Variants in NPC2 observed in about 807,000 individuals in gnomAD.
NPC2 encodes the protein Niemann-Pick disease type C2 protein.
Under a neutral mutation model 17.0 loss-of-function variants are expected in NPC2, and 14 were observed. That is an observed-to-expected ratio of 0.82 (90% CI 0.54 to 1.29). NPC2 has a LOEUF of 1.29. Ranked by LOEUF, NPC2 falls within the 50% of genes most tolerant of loss-of-function variation. The pLI, the probability that NPC2 is intolerant of heterozygous loss-of-function variation, is 0.00. For synonymous variants in NPC2, 75 were observed against 69.3 expected (o/e 1.08, Z -0.41); for missense variants, 167 against 183.4 (o/e 0.91, Z 0.52).
At chr14:74,493,379 G>C (rs2086800316), upstream of NPC2, 3 of 1,549,956 alleles carry the variant, frequency 1.9e-6, no homozygotes, top group Non-Finnish European at 2.6e-6. The surrounding 1 kb of genome is among the most constrained non-coding windows in gnomAD (Gnocchi z 4.1). Context: ...CAGGCGACCT[G>C]TCACCAGTAA....
In NPC2 at chr14:74,493,270, C is replaced by T. The variant is rs1471655370; in HGVS notation, c.5G>A (p.Arg2His). The change falls in exon 1 of 5, where the codon CGT (arginine) becomes CAT (histidine). Residue 2 changes from arginine to histidine, a missense_variant. Physicochemically the swap from Arg to His is conservative, Grantham distance 29. Transcript: ENST00000555619. The surrounding 1 kb of genome is among the most constrained non-coding windows in gnomAD (Gnocchi z 4.1). M[R>H]FLAATFLLLA... ...GAGCAGGAATGTAGCTGCCAGGAAACGCATCGCGGATAACGAAGTTCCAAG... is the reference window on the plus strand; with the variant it reads ...GAGCAGGAATGTAGCTGCCAGGAAATGCATCGCGGATAACGAAGTTCCAAG... 5 of 1,613,074 alleles carry T rather than the reference C, an allele frequency of 3.1e-6. No individual in the cohort carries two copies. In the African/African-American group the frequency reaches 4.0e-5, roughly 13 times the overall value.
Position 74,493,088 on chromosome 14 carries a change from G to A in NPC2, c.82+105C>T. 3.5e-6 allele frequency: 5 copies of A among 1,435,748 alleles called. No homozygotes were observed. Among genetic ancestry groups the A allele is most frequent in the Non-Finnish European group, 4.7e-6 (5 of 1,055,670 alleles). 88.9% of individuals were successfully genotyped at this position (1,435,748 alleles called of 1,614,324 possible). On this transcript the variant is annotated intron_variant, in intron 1 of 4. Transcript: ENST00000555619. The surrounding 1 kb of genome is among the most constrained non-coding windows in gnomAD (Gnocchi z 4.1). ...TAGGTAGGGTCCAAGGCTCAGCCTGGCCGCCCGAGGGATCCGCCCAGCCCA... is the reference window on the plus strand; with the variant it reads ...TAGGTAGGGTCCAAGGCTCAGCCTGACCGCCCGAGGGATCCGCCCAGCCCA...
chr14:74,482,849 GT>G, intron 3 of NPC2: 1 of 381,678 alleles, frequency 2.6e-6, no homozygotes, highest in Non-Finnish European at 4.9e-6. Context: ...GGCATCAGCC[GT>G]TGCTGTGCAG....
At chr14:74,490,399 T>A (rs919793642) in intron 1 of NPC2, among the ~76,000 whole-genome samples, 26 of 152,184 alleles carry the variant, frequency 1.7e-4, no homozygotes, top group African/African-American at 6.3e-4. Flanking sequence ...CACACACTCT[T>A]AAGCATCCAA....
Position 74,484,562 on chromosome 14 carries a change from G to T in NPC2, c.216C>A (p.Ala72=), listed in dbSNP as rs773861377. 1.2e-6 allele frequency: 2 copies of T among 1,613,864 alleles called. No homozygotes were observed. Among genetic ancestry groups the T allele is most frequent in the Non-Finnish European group, 1.7e-6 (2 of 1,179,992 alleles). The change falls in exon 3 of 5, where the codon GCC becomes GCA. Residue 72 remains alanine (A), a synonymous_variant. Coordinates refer to ENST00000555619, the MANE Select transcript of NPC2 (RefSeq NM_006432.5). ...CGCCCATCAGGATGCCATGCACCAC[G>T]GCCTTGCTGCTTTTAGACTGAATAT... ...TSNIQSKSSK[A]VVHGILMGVP... is the part of the protein sequence containing the mutation.
intron 1 of NPC2, among the ~76,000 whole-genome samples, chr14:74,487,266 T>A (rs1294080136): frequency 9.7e-5 from 14 of 144,758 alleles, no homozygotes; most frequent in Non-Finnish European, 1.5e-4. Context: ...TTTTTGTGGT[T>A]TTTTTTTGTT....
At chr14:74,488,154 G>A (rs1294051105) in intron 1 of NPC2, among the ~76,000 whole-genome samples, 1 of 152,118 alleles carries the variant, frequency 6.6e-6, no homozygotes, top group Non-Finnish European at 1.5e-5. Context: ...ATTCAGCATC[G>A]CCTCTTTGCC....
chr14:74,483,208 G>C (rs1418151169), intron 3 of NPC2: 1 of 862,888 alleles, frequency 1.2e-6, no homozygotes, highest in South Asian at 1.5e-5. Flanking sequence ...TTTTGCACTA[G>C]TATATTCAGT....
chr14:74,483,663 G>C (rs556767194), intron 3 of NPC2, among the ~76,000 whole-genome samples: 3 of 152,262 alleles, frequency 2.0e-5, no homozygotes. Flanking sequence ...ATATTGGTTT[G>C]TATAAGTTCC....
At chr14:74,492,102 T>C (rs1414571520) in intron 1 of NPC2, among the ~76,000 whole-genome samples, 1 of 152,130 alleles carries the variant, frequency 6.6e-6, no homozygotes, top group African/African-American at 2.4e-5. Context: ...TCGACTCTCC[T>C]ATGATTTTAT....
In NPC2 at chr14:74,493,299, G is replaced by C. The variant is rs770614463; in HGVS notation, c.-25C>G. ...TCGCGGATAACGAAGTTCCAAGCTC[G>C]GGAAAGAAGCAGCGGCCGCCCGCGG... On this transcript the variant is annotated 5_prime_UTR_variant, in exon 1 of 5. Transcript: ENST00000555619. This position sits in a 1 kb window ranked among gnomAD's most constrained non-coding sequence, Gnocchi z 4.1. 3 of 1,609,170 alleles carry C rather than the reference G, an allele frequency of 1.9e-6. No individual in the cohort carries two copies. Among genetic ancestry groups the C allele is most frequent in the Middle Eastern group, 1.7e-4 (1 of 6,056 alleles).
At chr14:74,493,510 A>T (rs990185557), upstream of NPC2, 14 of 894,308 alleles carry the variant, frequency 1.6e-5, no homozygotes, top group African/African-American at 2.2e-4. The surrounding 1 kb of genome is among the most constrained non-coding windows in gnomAD (Gnocchi z 4.1). Context: ...ACCCGCCCGG[A>T]CCCACCTCCG....
At chr14:74,488,489 G>A (rs558564263) in intron 1 of NPC2, among the ~76,000 whole-genome samples, 55 of 152,336 alleles carry the variant, frequency 3.6e-4, no homozygotes, top group African/African-American at 1.3e-3. Context: ...GCCAAGGCAG[G>A]TGGATCAAGA....
At chr14:74,492,243 C>A (rs956158232) in intron 1 of NPC2, among the ~76,000 whole-genome samples, 7 of 152,302 alleles carry the variant, frequency 4.6e-5, no homozygotes, top group Admixed American at 2.0e-4. Context: ...TCCCCCACAG[C>A]CGGCTCTGCG....
chr14:74,486,410 CT>C lies in NPC2; in HGVS notation c.108del (p.Val37Ter). 1.2e-6 allele frequency: 2 copies of C among 1,600,592 alleles called. No homozygotes were observed. Among genetic ancestry groups the C allele is most frequent in the Non-Finnish European group, 1.7e-6 (2 of 1,173,146 alleles). Reference protein sequence around the residue: ...DCGSVDGVIKEVNVSPCPTQP... With the variant: ...DCGSVDGVIKXVNVSPCPTQP... ...TGGGTGGGGCATGGGCTCACATTCA[CT>C]TCCTTTATAACTCCATCCACAGAAC... On this transcript the variant is annotated frameshift_variant, in exon 2 of 5. Transcript: ENST00000555619. LOFTEE classifies it high-confidence loss of function.
In NPC2 at chr14:74,480,201, G is replaced by A. The variant is rs1481621042; in HGVS notation, c.*73C>T. On this transcript the variant is annotated 3_prime_UTR_variant, in exon 5 of 5. Coordinates refer to ENST00000555619, the MANE Select transcript of NPC2 (RefSeq NM_006432.5). ...TGGAGAGCAAGTCACTGTTGTTGAAGCAGCAGAGCTGGAGGTGCTGTCAAG... is the reference window on the plus strand; with the variant it reads ...TGGAGAGCAAGTCACTGTTGTTGAAACAGCAGAGCTGGAGGTGCTGTCAAG... 2 of 1,613,904 alleles carry A rather than the reference G, an allele frequency of 1.2e-6. No individual in the cohort carries two copies. The highest frequency in any genetic ancestry group is 2.7e-5 in the African/African-American group (2 of 75,038).
intron 4 of NPC2, 176 bp from the exon 5 acceptor site, chr14:74,480,464 T>A: frequency 1.3e-6 from 1 of 764,904 alleles, no homozygotes. Context: ...TAAATCAATC[T>A]CTACAGTCTC....
rs771374515 is a variant in NPC2 at position 74,484,549 on chromosome 14, T to C, written c.229A>G (p.Ile77Val). The part of the protein sequence containing the change: ...SKSSKAVVHG[I>V]LMGVPVPFPI... ...AAGGGAACTGGGACGCCCATCAGGA[T>C]GCCATGCACCACGGCCTTGCTGCTT... Residue 77 changes from isoleucine to valine, a missense_variant, in exon 3 of 5, where the codon ATC becomes GTC. Physicochemically the swap from Ile to Val is conservative, Grantham distance 29. Transcript: ENST00000555619. 1 of 1,614,122 alleles carries C rather than the reference T, an allele frequency of 6.2e-7. No individual in the cohort carries two copies. The highest frequency in any genetic ancestry group is 1.1e-5 in the South Asian group (1 of 91,086).
rs570259826 is a variant in NPC2, at chr14:74,493,030, G to A, written c.82+163C>T. 3.1e-4 allele frequency among the ~76,000 whole-genome samples: 47 copies of A among 152,328 alleles called. No individual in the cohort carries two copies. The highest frequency in any genetic ancestry group is 1.5e-3 in the Admixed American group (23 of 15,294). On this transcript the variant is annotated intron_variant, in intron 1 of 4. Coordinates refer to ENST00000555619, the MANE Select transcript of NPC2 (RefSeq NM_006432.5). This position sits in a 1 kb window ranked among gnomAD's most constrained non-coding sequence, Gnocchi z 4.1. ...TGCGCGGTCGGGTTTCATGGAGGCC[G>A]GCGCCTTCTCCCCCGACCCAGCCCA...
Sources: gnomAD v4.1 joint callset for allele counts (sites outside exome capture counted in the v4.1 genomes callset) on GRCh38, gnomAD v4.1.1 for gene constraint, Gnocchi (gnomAD v3.1) non-coding constraint, MANE v1.5 for transcripts, NCBI Gene and HGNC (gene_info 2026-07-23, HGNC 2026-07-21) for gene names.